The following TRABD2A variants were observed in gnomAD, a reference collection of about 807,000 sequenced individuals.
TRABD2A encodes the protein metalloprotease TIKI1.
TRABD2A carries 43 observed loss-of-function variants against 45.6 expected under a neutral mutation model. The observed-to-expected ratio is 0.94, with a 90% CI of 0.74 to 1.22. TRABD2A has a LOEUF of 1.22. Ranked by LOEUF, TRABD2A falls within the 50% of genes most tolerant of loss-of-function variation. TRABD2A has a pLI of 0.00. For synonymous variants in TRABD2A, 269 were observed against 265.0 expected, an observed-to-expected ratio of 1.02 and a Z score of -0.15; for missense variants, 642 against 652.4, an observed-to-expected ratio of 0.98 and a Z score of 0.17.
At chr2:84,838,596 G>A (rs1001749310) in intron 4 of TRABD2A, among the ~76,000 whole-genome samples, 2 of 152,176 alleles carry the variant, frequency 1.3e-5, no homozygotes, top group Non-Finnish European at 2.9e-5. Context: ...ATACTGTCCA[G>A]CCTCTGGCAT....
intron 2 of TRABD2A, among the ~76,000 whole-genome samples, chr2:84,847,015 CTGG>C (rs1460517981): frequency 6.6e-6 from 1 of 152,218 alleles, no homozygotes; most frequent in Non-Finnish European, 1.5e-5. Context: ...TGGAGGGAAG[CTGG>C]GCAGGGGCAG....
chr2:84,850,120 A>C (rs934460998), intron 2 of TRABD2A, among the ~76,000 whole-genome samples: 2 of 152,208 alleles, frequency 1.3e-5, no homozygotes, highest in African/African-American at 4.8e-5. Flanking sequence ...TCTCTTGAAC[A>C]AAAAATTGCC....
chr2:84,829,444 C>G (rs1681251534), intron 5 of TRABD2A, among the ~76,000 whole-genome samples: 1 of 149,694 alleles, frequency 6.7e-6, no homozygotes, highest in Non-Finnish European at 1.5e-5. Flanking sequence ...ACACAAAACA[C>G]ACGTACCACA....
intron 2 of TRABD2A, among the ~76,000 whole-genome samples, chr2:84,860,926 G>A (rs1682474208): frequency 6.6e-6 from 1 of 152,232 alleles, no homozygotes; most frequent in Non-Finnish European, 1.5e-5. Context: ...CCAGGGCTGG[G>A]TAGGAATGTG....
At chr2:84,869,973 CAAA>C (rs36090318) in intron 2 of TRABD2A, among the ~76,000 whole-genome samples, 4 of 76,414 alleles carry the variant, frequency 5.2e-5, no homozygotes, top group Non-Finnish European at 5.5e-5. Context: ...GACTCTGTCC[CAAA>C]AAAAAAAAAA....
intron 2 of TRABD2A, among the ~76,000 whole-genome samples, chr2:84,856,226 T>C (rs1682297879): frequency 2.0e-5 from 3 of 152,068 alleles, no homozygotes; most frequent in Admixed American, 2.0e-4. Flanking sequence ...TGTCTGGTCC[T>C]TGCCTCCCCA....
intron 2 of TRABD2A, 32 bp downstream of exon 2, chr2:84,870,193 C>T: frequency 6.4e-7 from 1 of 1,567,178 alleles, no homozygotes; most frequent in Non-Finnish European, 8.7e-7. Context: ...CAACCAAATG[C>T]CACTAAGTCT....
At chr2:84,856,974 A>G (rs758185072) in intron 2 of TRABD2A, among the ~76,000 whole-genome samples, 51 of 152,202 alleles carry the variant, frequency 3.4e-4, no homozygotes, top group Non-Finnish European at 6.0e-4. Context: ...GTGACCTTGT[A>G]AAAAGAGGAA....
At chr2:84,874,244 C>T (rs1682956600) in intron 1 of TRABD2A, among the ~76,000 whole-genome samples, 4 of 152,158 alleles carry the variant, frequency 2.6e-5, no homozygotes, top group Admixed American at 2.6e-4. Context: ...GATCTTTTCA[C>T]TGAAAACTGA....
At position 84,824,121 on chromosome 2, in the gene TRABD2A, G is replaced by A. The variant is rs769712825; in HGVS notation, c.1166C>T (p.Pro389Leu). Residue 389 changes from proline (P) to leucine (L), a missense_variant, in exon 6 of 7, where the codon CCA (proline) becomes CTA (leucine). Pro to Leu is a moderately conservative substitution (Grantham distance 98). Transcript: ENST00000409520. ...TGAGTGCCCTGAGGATACGGCTTCT[G>A]GTGCCGGTACTTCCAGGGTAGGGAC... ...PKVPTLEVPA[P>L]EAVSSGHSTL... The A allele has an allele frequency of 1.2e-6, 2 of 1,613,976 alleles. No individual in the cohort carries two copies. Among genetic ancestry groups the A allele is most frequent in the African/African-American group, 2.7e-5 (2 of 75,062 alleles).
chr2:84,866,351 T>C (rs972939554), intron 2 of TRABD2A, among the ~76,000 whole-genome samples: 2 of 152,132 alleles, frequency 1.3e-5, no homozygotes, highest in African/African-American at 4.8e-5. Flanking sequence ...ATTGTCAACT[T>C]AGTCATTAAA....
chr2:84,849,265 G>T (rs1682004975), intron 2 of TRABD2A, among the ~76,000 whole-genome samples: 1 of 152,008 alleles, frequency 6.6e-6, no homozygotes, highest in Non-Finnish European at 1.5e-5. Context: ...AAGGATTCAG[G>T]GCTCATTTCT....
chr2:84,874,846 C>A, intron 1 of TRABD2A: 1 of 189,608 alleles, frequency 5.3e-6, no homozygotes, highest in South Asian at 1.0e-4. Context: ...TGCTTCTGCC[C>A]TCGAAGCCTT....
chr2:84,838,340 AT>A, intron 4 of TRABD2A: 1 of 690,324 alleles, frequency 1.4e-6, no homozygotes, highest in South Asian at 1.6e-5. Context: ...CACTTCTAGG[AT>A]TGTTGCAAGC....
At chr2:84,869,167 A>C (rs1393758730) in intron 2 of TRABD2A, among the ~76,000 whole-genome samples, 1 of 152,254 alleles carries the variant, frequency 6.6e-6, no homozygotes, top group African/African-American at 2.4e-5. Context: ...TAACAACCTT[A>C]GTTCAGTATG....
intron 2 of TRABD2A, among the ~76,000 whole-genome samples, chr2:84,862,194 C>T (rs1682522480): frequency 6.6e-6 from 1 of 152,258 alleles, no homozygotes; most frequent in African/African-American, 2.4e-5. Context: ...TCCCACCTGG[C>T]TCCTTGCCCT....
intron 2 of TRABD2A, among the ~76,000 whole-genome samples, chr2:84,858,592 C>T (rs1243525266): frequency 6.6e-6 from 1 of 152,218 alleles, no homozygotes; most frequent in African/African-American, 2.4e-5. Flanking sequence ...TGAGGATAGG[C>T]TGTGCCCAAA....
chr2:84,852,516 A>T (rs1009254217), intron 2 of TRABD2A, among the ~76,000 whole-genome samples: 4 of 152,132 alleles, frequency 2.6e-5, no homozygotes, highest in African/African-American at 9.7e-5. Context: ...GGGTGGCCAG[A>T]ATGACCATGA....
intron 2 of TRABD2A, among the ~76,000 whole-genome samples, chr2:84,861,295 C>G (rs933849335): frequency 5.3e-5 from 8 of 152,114 alleles, no homozygotes; most frequent in Non-Finnish European, 2.9e-5. Context: ...TAAAAGAATT[C>G]TACAACTCTC....
Sources: allele counts gnomAD v4.1 joint callset (sites outside exome capture counted in the v4.1 genomes callset), GRCh38; gene constraint gnomAD v4.1.1; transcripts MANE v1.5; gene names NCBI Gene and HGNC (gene_info 2026-07-23, HGNC 2026-07-21).